The following SNX29 variants were observed in gnomAD, a reference collection of about 807,000 sequenced individuals.
SNX29 encodes sorting nexin 29.
In SNX29, 78 loss-of-function variants were observed where a neutral mutation model predicts 102.1. The observed-to-expected ratio is 0.76, with a 90% CI of 0.64 to 0.92. SNX29 has a LOEUF of 0.92. Among genes scored for constraint, SNX29 ranks in the 40% least tolerant of loss-of-function variants. SNX29 has a pLI of 0.00. For missense variants in SNX29, 1,280 were observed against 1,061.7 expected (o/e 1.21, Z -2.86); for synonymous variants, 580 against 414.5 (o/e 1.40, Z -4.85).
intron 14 of SNX29, among the ~76,000 whole-genome samples, chr16:12,221,462 A>G (rs2077475876): frequency 6.6e-6 from 1 of 152,144 alleles, no homozygotes; most frequent in African/African-American, 2.4e-5. Context: ...TAAAAATACA[A>G]AATTAGCTGG....
At chr16:12,507,480 C>G (rs760542484) in intron 19 of SNX29, among the ~76,000 whole-genome samples, 4 of 152,202 alleles carry the variant, frequency 2.6e-5, no homozygotes, top group Non-Finnish European at 4.4e-5. Flanking sequence ...ATGCCAGACT[C>G]TGTTTCTTGT....
intron 15 of SNX29, among the ~76,000 whole-genome samples, chr16:12,292,891 G>T (rs1021579230): frequency 4.6e-5 from 7 of 152,194 alleles, no homozygotes; most frequent in African/African-American, 1.7e-4. Context: ...TACTAACCTT[G>T]TTTAAGTTCT....
At chr16:12,272,855 T>G (rs577796120) in intron 14 of SNX29, among the ~76,000 whole-genome samples, 19 of 152,256 alleles carry the variant, frequency 1.2e-4, no homozygotes, top group African/African-American at 4.6e-4. Flanking sequence ...TTTTTCAGTT[T>G]TTGGAATTAC....
intron 14 of SNX29, among the ~76,000 whole-genome samples, chr16:12,272,484 C>T (rs2079119960): frequency 6.6e-6 from 1 of 152,214 alleles, no homozygotes; most frequent in Admixed American, 6.5e-5. Flanking sequence ...TGCTGCGGTG[C>T]CTGCCAAGGT....
At chr16:12,487,298 C>T (rs1294759664) in intron 19 of SNX29, among the ~76,000 whole-genome samples, 14 of 152,106 alleles carry the variant, frequency 9.2e-5, no homozygotes, top group East Asian at 1.9e-4. Flanking sequence ...TGGGTGAGCC[C>T]GACATGGATG....
intron 20 of SNX29, among the ~76,000 whole-genome samples, chr16:12,537,371 G>T (rs1442660543): frequency 6.6e-6 from 1 of 152,236 alleles, no homozygotes; most frequent in South Asian, 2.1e-4. Context: ...CTTGGTGCAT[G>T]ACAGAAAGAG....
intron 16 of SNX29, among the ~76,000 whole-genome samples, chr16:12,395,492 C>G (rs1165148886): frequency 2.0e-5 from 3 of 152,246 alleles, no homozygotes; most frequent in African/African-American, 7.2e-5. Context: ...CCTGGCTGCT[C>G]TGTTGCTCTA....
intron 4 of SNX29, among the ~76,000 whole-genome samples, chr16:12,033,053 C>G (rs2057386749): frequency 6.6e-6 from 1 of 151,920 alleles, no homozygotes; most frequent in Non-Finnish European, 1.5e-5. Context: ...CAGGGTTTCA[C>G]CACGTTGGCC....
chr16:12,549,054 C>T (rs528241733), intron 20 of SNX29, among the ~76,000 whole-genome samples: 1 of 152,226 alleles, frequency 6.6e-6, no homozygotes, highest in Non-Finnish European at 1.5e-5. Flanking sequence ...TCCACTCTTG[C>T]AGCTGGGCAG....
At chr16:12,423,085 G>A (rs529627061) in intron 18 of SNX29, among the ~76,000 whole-genome samples, 1 of 152,206 alleles carries the variant, frequency 6.6e-6, no homozygotes, top group East Asian at 1.9e-4. Context: ...CAGTTGAGGT[G>A]AATACGAGGT....
At chr16:12,122,775 T>A (rs1311947158) in intron 11 of SNX29, among the ~76,000 whole-genome samples, 1 of 152,164 alleles carries the variant, frequency 6.6e-6, no homozygotes, top group Non-Finnish European at 1.5e-5. Context: ...ATAGCACCAC[T>A]GAGGCCGGGC....
intron 16 of SNX29, chr16:12,373,617 GTTGT>G (rs990148539): frequency 6.6e-6 from 1 of 152,176 alleles, no homozygotes; most frequent in Non-Finnish European, 1.5e-5. Context: ...TTGGCATAGA[GTTGT>G]TTATTTGCTC....
At chr16:12,467,720 G>C (rs1320963761) in intron 18 of SNX29, among the ~76,000 whole-genome samples, 1 of 151,896 alleles carries the variant, frequency 6.6e-6, no homozygotes, top group Non-Finnish European at 1.5e-5. Flanking sequence ...TATATACTGA[G>C]TGTTTCTTTT....
chr16:12,264,890 C>T (rs970910759), intron 14 of SNX29, among the ~76,000 whole-genome samples: 1 of 152,184 alleles, frequency 6.6e-6, no homozygotes, highest in Non-Finnish European at 1.5e-5. Context: ...CTCAGACCTC[C>T]GTGTACATAC....
At chr16:12,173,717 T>G (rs2076200405) in intron 13 of SNX29, among the ~76,000 whole-genome samples, 1 of 152,192 alleles carries the variant, frequency 6.6e-6, no homozygotes, top group Non-Finnish European at 1.5e-5. Flanking sequence ...CCTGCAGAGA[T>G]GTTTCCTTGC....
intron 15 of SNX29, among the ~76,000 whole-genome samples, chr16:12,309,210 C>T (rs1400739334): frequency 6.6e-6 from 1 of 152,166 alleles, no homozygotes; most frequent in Non-Finnish European, 1.5e-5. Flanking sequence ...GAGTTGGGTT[C>T]AGGACAAACA....
chr16:12,430,001 G>GGAGGT (rs761413643), intron 18 of SNX29, among the ~76,000 whole-genome samples: 2 of 152,232 alleles, frequency 1.3e-5, no homozygotes, highest in Non-Finnish European at 2.9e-5. Context: ...CCACACAGCA[G>GGAGGT]GAGGTGAGCC....
chr16:12,531,981 C>A (rs986242973), intron 20 of SNX29, among the ~76,000 whole-genome samples: 3 of 152,132 alleles, frequency 2.0e-5, no homozygotes, highest in African/African-American at 7.2e-5. Flanking sequence ...GTAGCAATCA[C>A]AGTTTGGAGG....
At chr16:12,167,831 G>T (rs527725458) in intron 13 of SNX29, among the ~76,000 whole-genome samples, 6 of 152,160 alleles carry the variant, frequency 3.9e-5, no homozygotes, top group Non-Finnish European at 8.8e-5. Flanking sequence ...CGTTTATTTC[G>T]TGAATAAGGT....
Sources: allele counts gnomAD v4.1 joint callset (sites outside exome capture counted in the v4.1 genomes callset), GRCh38; gene constraint gnomAD v4.1.1; transcripts MANE v1.5; gene names NCBI Gene and HGNC (gene_info 2026-07-23, HGNC 2026-07-21).